GALNT17: variants seen among roughly 807,000 people sequenced by gnomAD.
GALNT17 encodes the protein polypeptide N-acetylgalactosaminyltransferase 17.
In GALNT17, 29 loss-of-function variants were observed where a neutral mutation model predicts 63.7. The observed-to-expected ratio is 0.46, with a 90% CI of 0.34 to 0.62. The LOEUF is 0.62. Among genes scored for constraint, GALNT17 ranks in the 20% least tolerant of loss-of-function variants. The pLI, the probability that GALNT17 is intolerant of heterozygous loss-of-function variation, is 0.01. For synonymous variants in GALNT17, 305 were observed against 318.3 expected (o/e 0.96, Z 0.45); for missense variants, 603 against 799.6 (o/e 0.75, Z 2.97).
intron 5 of GALNT17, among the ~76,000 whole-genome samples, chr7:71,453,731 G>T (rs149192792): frequency 1.3e-5 from 2 of 152,290 alleles, no homozygotes; most frequent in East Asian, 1.9e-4. Flanking sequence ...TGTGAATGAG[G>T]CTCTGAATTA....
chr7:71,243,019 T>C (rs1001801213), intron 1 of GALNT17, among the ~76,000 whole-genome samples: 1 of 152,208 alleles, frequency 6.6e-6, no homozygotes, highest in African/African-American at 2.4e-5. Flanking sequence ...CCCACCCAAA[T>C]CTCATCTTGA....
intron 1 of GALNT17, among the ~76,000 whole-genome samples, chr7:71,289,835 T>C (rs139092934): frequency 0.024 from 3,636 of 149,722 alleles, 69 homozygotes; most frequent in African/African-American, 0.045. Flanking sequence ...GCCAAGATCG[T>C]GCCGTTGCAT....
intron 1 of GALNT17, among the ~76,000 whole-genome samples, chr7:71,244,855 C>A (rs529207014): frequency 1.3e-5 from 2 of 151,764 alleles, no homozygotes. Flanking sequence ...GAGGCCAAGA[C>A]GGGAGGATCA....
At chr7:71,189,566 G>C (rs1182907369) in intron 1 of GALNT17, among the ~76,000 whole-genome samples, 1 of 152,042 alleles carries the variant, frequency 6.6e-6, no homozygotes, top group Non-Finnish European at 1.5e-5. Flanking sequence ...GAATGATCTT[G>C]GCTGGGAGGA....
At chr7:71,143,260 A>AAGT (rs777014591) in intron 1 of GALNT17, among the ~76,000 whole-genome samples, 1 of 151,748 alleles carries the variant, frequency 6.6e-6, no homozygotes, top group Non-Finnish European at 1.5e-5. Flanking sequence ...TGTCTCTACT[A>AAGT]AAAGTACAAA....
intron 1 of GALNT17, among the ~76,000 whole-genome samples, chr7:71,327,927 C>T (rs1057314613): frequency 6.6e-6 from 1 of 152,052 alleles, no homozygotes; most frequent in East Asian, 1.9e-4. Context: ...AAGTACACCT[C>T]TCTCTCTTTC....
At chr7:71,286,249 GC>G (rs1790870904) in intron 1 of GALNT17, among the ~76,000 whole-genome samples, 1 of 152,308 alleles carries the variant, frequency 6.6e-6, no homozygotes, top group African/African-American at 2.4e-5. Context: ...AGTAAATCTT[GC>G]TCTGCCCACG....
chr7:71,453,994 A>G (rs1342970159), intron 5 of GALNT17, among the ~76,000 whole-genome samples: 1 of 152,200 alleles, frequency 6.6e-6, no homozygotes, highest in African/African-American at 2.4e-5. Context: ...CTAATCTCCC[A>G]TATACCTATT....
chr7:71,529,796 G>T (rs944025286), intron 5 of GALNT17, among the ~76,000 whole-genome samples: 1 of 152,180 alleles, frequency 6.6e-6, no homozygotes, highest in Admixed American at 6.5e-5. Context: ...GCACAACTAG[G>T]TAATTAATAA....
chr7:71,565,844 TC>T (rs1291677370), intron 5 of GALNT17, among the ~76,000 whole-genome samples: 1 of 129,024 alleles, frequency 7.8e-6, no homozygotes, highest in Non-Finnish European at 1.6e-5. Flanking sequence ...TCTTCTCTTT[TC>T]TTTTTTTTTT....
intron 2 of GALNT17, among the ~76,000 whole-genome samples, chr7:71,358,185 C>T (rs1028109689): frequency 7.2e-5 from 11 of 152,150 alleles, no homozygotes; most frequent in African/African-American, 2.4e-4. Context: ...AGCGAGACCA[C>T]GAGCCCACAG....
intron 5 of GALNT17, among the ~76,000 whole-genome samples, chr7:71,536,646 A>T (rs918584289): frequency 2.6e-5 from 4 of 152,178 alleles, no homozygotes; most frequent in Non-Finnish European, 5.9e-5. Flanking sequence ...AGCTGCCCCC[A>T]TGATTCCAAT....
chr7:71,149,835 A>G (rs977365472), intron 1 of GALNT17, among the ~76,000 whole-genome samples: 1 of 152,116 alleles, frequency 6.6e-6, no homozygotes, highest in Non-Finnish European at 1.5e-5. Flanking sequence ...TGTCCTTCCT[A>G]TGATTGCACA....
intron 1 of GALNT17, among the ~76,000 whole-genome samples, chr7:71,175,264 GTCTA>G (rs762892750): frequency 5.7e-4 from 87 of 151,894 alleles, no homozygotes; most frequent in African/African-American, 1.0e-3. Context: ...CCATCCATCA[GTCTA>G]TCTGTCTATC....
chr7:71,322,055 A>G (rs956046610), intron 1 of GALNT17, among the ~76,000 whole-genome samples: 2 of 151,104 alleles, frequency 1.3e-5, no homozygotes, highest in Admixed American at 1.3e-4. Flanking sequence ...GAGCTTAAGC[A>G]GCTCTCTCAC....
At chr7:71,449,103 A>ATTTTCT (rs1787210898) in intron 5 of GALNT17, among the ~76,000 whole-genome samples, 2 of 45,622 alleles carry the variant, frequency 4.4e-5, no homozygotes, top group African/African-American at 8.2e-5. Context: ...ACAGCTGCCT[A>ATTTTCT]TTTTCTTTTT....
At chr7:71,201,186 G>T (rs1562909454) in intron 1 of GALNT17, among the ~76,000 whole-genome samples, 1 of 144,280 alleles carries the variant, frequency 6.9e-6, no homozygotes, top group Non-Finnish European at 1.5e-5. Context: ...GTTCGTGTAT[G>T]TGCAGGAAAC....
intron 6 of GALNT17, among the ~76,000 whole-genome samples, chr7:71,624,908 A>G (rs561803087): frequency 2.0e-5 from 3 of 152,290 alleles, no homozygotes; most frequent in Admixed American, 1.3e-4. Context: ...TTCATTCATC[A>G]TTAGAGCAAT....
chr7:71,410,160 CTA>C (rs761513430), intron 3 of GALNT17, among the ~76,000 whole-genome samples: 2 of 152,066 alleles, frequency 1.3e-5, no homozygotes, highest in Non-Finnish European at 2.9e-5. Flanking sequence ...CACTAAGAAA[CTA>C]TGATGAAACA....
Sources: gnomAD v4.1 joint callset for allele counts (sites outside exome capture counted in the v4.1 genomes callset) on GRCh38, gnomAD v4.1.1 for gene constraint, MANE v1.5 for transcripts, NCBI Gene and HGNC (gene_info 2026-07-23, HGNC 2026-07-21) for gene names.